Variants in BMX observed in about 807,000 individuals in gnomAD.
BMX encodes cytoplasmic tyrosine-protein kinase BMX.
BMX carries 31 observed loss-of-function variants against 59.2 expected under a neutral mutation model. That is an observed-to-expected ratio of 0.52 (90% CI 0.39 to 0.71). The LOEUF (loss-of-function observed/expected upper bound fraction) is 0.71. Ranked by LOEUF, BMX falls within the 30% of genes least tolerant of loss-of-function variation. BMX has a pLI of 0.00. For missense variants in BMX, 474 were observed against 491.7 expected, an observed-to-expected ratio of 0.96 and a Z score of 0.34; for synonymous variants, 185 against 181.0, an observed-to-expected ratio of 1.02 and a Z score of -0.18.
In BMX at chrX:15,556,155, A is replaced by G; in HGVS notation, c.*8A>G. 8.4e-7 allele frequency: 1 copy of G among 1,196,461 alleles called. No homozygotes were observed. The highest frequency in any genetic ancestry group is 3.0e-5 in the East Asian group (1 of 33,546). On this transcript the variant is annotated 3_prime_UTR_variant, in exon 19 of 19. Coordinates refer to ENST00000348343, the MANE Select transcript of BMX (RefSeq NM_203281.3). ...GAAAAAGACAAGCATTGAAGAAGAA[A>G]TTAGGAGTGCTGATAAGAATGAATA...
Position 15,516,270 on chromosome X carries a change from G to C in BMX, c.445+39G>C, listed in dbSNP as rs773396289. ...CCTCTGTTGGACTGGACGTTGGGTGGATAGTGCTCCATTAGGCTAAACCTG... is the reference window on the plus strand; with the variant it reads ...CCTCTGTTGGACTGGACGTTGGGTGCATAGTGCTCCATTAGGCTAAACCTG... On this transcript the variant is annotated intron_variant, in intron 5 of 18. Coordinates refer to ENST00000348343, the MANE Select transcript of BMX (RefSeq NM_203281.3). 2.5e-6 allele frequency: 3 copies of C among 1,194,060 alleles called. No homozygotes were observed. The African/African-American group carries it at 5.2e-5, about 21-fold the overall frequency.
rs747668703 is a variant in BMX at position 15,546,917 on chromosome X, A to T, written c.1791A>T (p.Ala597=). The T allele has an allele frequency of 8.3e-7, 1 of 1,201,633 alleles. No homozygotes were observed. The highest frequency in any genetic ancestry group is 1.7e-5 in the African/African-American group (1 of 57,625). Residue 597 remains alanine (A), a synonymous_variant, in exon 17 of 19, where the codon GCA becomes GCT. Transcript: ENST00000348343. The part of the protein sequence containing the change: ...FKYSSKSDVW[A]FGILMWEVFS... ...ACAGCAGCAAGTCAGACGTATGGGC[A>T]TTTGGTAAGGATGTGGCCACATACG...
Position 15,536,405 on chromosome X carries a change from C to T in BMX, c.1200C>T (p.Pro400=), listed in dbSNP as rs201999800. The T allele has an allele frequency of 4.0e-5, 48 of 1,205,345 alleles. No individual in the cohort carries two copies. The highest frequency in any genetic ancestry group is 1.1e-4 in the Admixed American group (5 of 45,374). ...HPVSTKANKV[P]DSVSLGNGIW... ...TGTCAACAAAGGCCAACAAGGTCCC[C>T]GACTCTGTGTCCCTGGGAAATGGTA... The change falls in exon 13 of 19, where the codon CCC becomes CCT. Residue 400 remains proline, a synonymous_variant. Coordinates refer to ENST00000348343, the MANE Select transcript of BMX (RefSeq NM_203281.3).
At chrX:15,526,868 G>T (rs1924762404) in intron 9 of BMX, among the ~76,000 whole-genome samples, 1 of 110,732 alleles carries the variant, frequency 9.0e-6, no homozygotes, top group Admixed American at 9.6e-5. Context: ...TTACAGGCGT[G>T]AGCCACCTCA....
intron 10 of BMX, among the ~76,000 whole-genome samples, chrX:15,530,578 C>G (rs952222644): frequency 2.7e-5 from 3 of 111,798 alleles, no homozygotes; most frequent in African/African-American, 9.7e-5. Context: ...TGGCTCAGCC[C>G]AGAGTCAGTA....
In BMX at chrX:15,527,265, TATATATATATATATATATACACAC is replaced by T. The variant is rs1924816218; in HGVS notation, c.884+1172_884+1195del. 2.0e-4 allele frequency among the ~76,000 whole-genome samples: 12 copies of T among 58,741 alleles called. No homozygotes were observed. In the South Asian group the frequency reaches 0.012, roughly 60 times the overall value. The allele number at this position is 58,741 out of a possible 115,157, so 51.0% of individuals were successfully genotyped here. A position where few individuals can be genotyped will look rare whatever the true frequency, so the allele number is the denominator to read the frequency against. ...ACACACAAATATATATATATATATATATATATATATATATATATACACACACACACACACACATATATATATACC... is the reference window on the plus strand; with the variant it reads ...ACACACAAATATATATATATATATATACACACACACACATATATATATACC... On this transcript the variant is annotated intron_variant, in intron 9 of 18. Transcript: ENST00000348343.
Position 15,517,947 on chromosome X carries a change from C to T in BMX, c.464C>T (p.Ala155Val), listed in dbSNP as rs753509328. The change falls in exon 6 of 19, where the codon GCA (alanine) becomes GTA (valine). Residue 155 changes from alanine (A) to valine (V), a missense_variant. Coordinates refer to ENST00000348343, the MANE Select transcript of BMX (RefSeq NM_203281.3). ...TGTTCAGATGCTAATCTGCATACTG[C>T]AGTCAATGAAGAGAAACACAGAGTT... The part of the protein sequence containing the change: ...LWEAYANLHT[A>V]VNEEKHRVPT... 8 of 1,206,189 alleles carry T rather than the reference C, an allele frequency of 6.6e-6. No homozygotes were observed. The highest frequency in any genetic ancestry group is 7.8e-6 in the Non-Finnish European group (7 of 891,847).
chrX:15,514,205 C>T (rs1417690287), intron 4 of BMX, among the ~76,000 whole-genome samples: 2 of 111,980 alleles, frequency 1.8e-5, no homozygotes, highest in Non-Finnish European at 3.8e-5. Context: ...CCATTTGGAA[C>T]CAAAATCAGA....
intron 12 of BMX, among the ~76,000 whole-genome samples, chrX:15,535,067 G>T (rs1925270393): frequency 8.9e-6 from 1 of 111,751 alleles, no homozygotes; most frequent in African/African-American, 3.2e-5. Flanking sequence ...CCCTAGAAAT[G>T]GAATTTCTGA....
intron 6 of BMX, among the ~76,000 whole-genome samples, chrX:15,519,848 G>C (rs1252540596): frequency 1.8e-5 from 2 of 111,365 alleles, no homozygotes; most frequent in African/African-American, 6.5e-5. Flanking sequence ...TCAACAACCA[G>C]CTCTCATGGG....
Position 15,508,361 on chromosome X carries a change from C to CA in BMX, c.12dup (p.Ser5IlefsTer21), listed in dbSNP as rs771506474. 2 of 1,122,256 alleles carry CA rather than the reference C, an allele frequency of 1.8e-6. No homozygotes were observed. Among genetic ancestry groups the CA allele is most frequent in the Non-Finnish European group, 2.4e-6 (2 of 833,864 alleles). 92.5% of individuals were successfully genotyped at this position (1,122,256 alleles called of 1,213,427 possible). On this transcript the variant is annotated frameshift_variant, in exon 2 of 19. Coordinates refer to ENST00000348343, the MANE Select transcript of BMX (RefSeq NM_203281.3). LOFTEE classifies it high-confidence loss of function. ...TTTGTTTAGGATGATAATATGGATA[C>CA]AAAATCTATTCTAGAAGAACTTCTT...
chrX:15,534,026 T>C (rs1305520799), intron 11 of BMX, among the ~76,000 whole-genome samples, 186 bp from the exon 12 acceptor site: 1 of 111,420 alleles, frequency 9.0e-6, no homozygotes, highest in Non-Finnish European at 1.9e-5. Context: ...AGAACTCTCT[T>C]CCATAATTAC....
chrX:15,536,231 C>T (rs1313560971), intron 12 of BMX, 122 bp from the exon 13 acceptor site: 38 of 652,693 alleles, frequency 5.8e-5, no homozygotes, highest in Non-Finnish European at 8.8e-5. Flanking sequence ...CTCTGCATTA[C>T]AACATTCTGA....
Position 15,541,982 on chromosome X carries a change from GA to G in BMX, c.1398del (p.Lys466AsnfsTer22), listed in dbSNP as rs1430246801. The stretch of plus-strand genomic sequence containing the variant: ...AACTTTGAAAATCTGTTATTTCCAG[GA>G]AACTCAGCCATCCCAAGCTGGTTAA... ...EFFQEAQTMM[K>X]LSHPKLVKFY... On this transcript the variant is annotated frameshift_variant and splice_region_variant, in exon 15 of 19. Coordinates refer to ENST00000348343, the MANE Select transcript of BMX (RefSeq NM_203281.3). LOFTEE classifies it high-confidence loss of function. 8.3e-7 allele frequency: 1 copy of G among 1,205,257 alleles called. No individual in the cohort carries two copies. The highest frequency in any genetic ancestry group is 1.1e-6 in the Non-Finnish European group (1 of 892,496).
chrX:15,519,464 G>A (rs1008994313), intron 6 of BMX, among the ~76,000 whole-genome samples: 1 of 111,330 alleles, frequency 9.0e-6, no homozygotes, highest in Non-Finnish European at 1.9e-5. Context: ...GAAATCACAC[G>A]AAAGATGAGA....
intron 1 of BMX, among the ~76,000 whole-genome samples, chrX:15,506,246 G>A (rs764341131): frequency 1.3e-4 from 14 of 111,873 alleles, no homozygotes; most frequent in Non-Finnish European, 2.3e-4. Flanking sequence ...CCAGCACATA[G>A]TACTGGGAAA....
intron 4 of BMX, among the ~76,000 whole-genome samples, chrX:15,515,372 A>G (rs1170095014): frequency 1.8e-5 from 2 of 110,886 alleles, no homozygotes; most frequent in Admixed American, 1.9e-4. Flanking sequence ...TATCAGTGTT[A>G]AATTTCCTGA....
chrX:15,514,741 T>G (rs910969978), intron 4 of BMX, among the ~76,000 whole-genome samples: 2 of 111,628 alleles, frequency 1.8e-5, no homozygotes, highest in African/African-American at 6.5e-5. Flanking sequence ...TATGCACATA[T>G]TCCTAGGAAA....
At chrX:15,550,665 T>TACACACACAC (rs58905214) in intron 18 of BMX, among the ~76,000 whole-genome samples, 23 of 86,771 alleles carry the variant, frequency 2.7e-4, no homozygotes, top group African/African-American at 8.6e-4. Flanking sequence ...TCAAAGTCTT[T>TACACACACAC]ACACACACAC....
Sources: allele counts gnomAD v4.1 joint callset (sites outside exome capture counted in the v4.1 genomes callset), GRCh38; gene constraint gnomAD v4.1.1; transcripts MANE v1.5; gene names NCBI Gene and HGNC (gene_info 2026-07-23, HGNC 2026-07-21).